PDE1C: variants seen among roughly 807,000 people sequenced by gnomAD.
The protein encoded by PDE1C is phosphodiesterase 1C, also known as dual specificity calcium/calmodulin-dependent 3',5'-cyclic nucleotide phosphodiesterase 1C.
Under a neutral mutation model 93.1 loss-of-function variants are expected in PDE1C, and 62 were observed. The observed-to-expected ratio is 0.67, with a 90% CI of 0.54 to 0.82. The LOEUF is 0.82. Among genes scored for constraint, PDE1C ranks in the 40% least tolerant of loss-of-function variants. The pLI, the probability that PDE1C is intolerant of heterozygous loss-of-function variation, is 0.00. For synonymous variants in PDE1C, 325 were observed against 310.1 expected (o/e 1.05, Z -0.50); for missense variants, 742 against 884.6 (o/e 0.84, Z 2.04).
intron 3 of PDE1C, among the ~76,000 whole-genome samples, chr7:32,117,429 A>G (rs1799044422): frequency 1.3e-5 from 2 of 152,240 alleles, no homozygotes; most frequent in African/African-American, 4.8e-5. Context: ...TATAGGTAAT[A>G]AAACTGAGCC....
intron 1 of PDE1C, among the ~76,000 whole-genome samples, chr7:32,352,015 T>C (rs1783960521): frequency 2.0e-4 from 1 of 5,092 alleles, no homozygotes; most frequent in African/African-American, 1.1e-3. Flanking sequence ...TAGTATAGTT[T>C]GAAGTCAGGT....
chr7:31,700,664 G>A, the PDE1C span, among the ~76,000 whole-genome samples: 532 of 152,256 alleles, frequency 3.5e-3, 9 homozygotes, highest in African/African-American at 0.012. Context: ...AGATGTCAAT[G>A]CCTGGCTTCA....
chr7:31,946,330 T>C (rs1806604695), intron 2 of PDE1C, among the ~76,000 whole-genome samples: 2 of 152,086 alleles, frequency 1.3e-5, no homozygotes, highest in African/African-American at 4.8e-5. Context: ...CAACAAGCTC[T>C]GTGCCAAAGG....
chr7:31,866,208 G>GA (rs950850881), intron 6 of PDE1C, among the ~76,000 whole-genome samples: 9 of 150,214 alleles, frequency 6.0e-5, no homozygotes, highest in Admixed American at 2.0e-4. Flanking sequence ...TTACATTTGT[G>GA]AAAAAAAAAT....
chr7:31,741,443 A>G, the PDE1C span, among the ~76,000 whole-genome samples: 2 of 152,090 alleles, frequency 1.3e-5, no homozygotes, highest in African/African-American at 2.4e-5. Flanking sequence ...AGTATTATCA[A>G]TTTTCTCATT....
At chr7:32,222,543 G>C (rs949281515) in intron 1 of PDE1C, among the ~76,000 whole-genome samples, 13 of 152,334 alleles carry the variant, frequency 8.5e-5, no homozygotes, top group Middle Eastern at 3.4e-3. Flanking sequence ...TTAAGGACTT[G>C]ATGTTAGCTT....
At chr7:31,923,430 G>A (rs879886035) in intron 2 of PDE1C, among the ~76,000 whole-genome samples, 1 of 152,170 alleles carries the variant, frequency 6.6e-6, no homozygotes, top group Non-Finnish European at 1.5e-5. Flanking sequence ...AGCTCCCCAG[G>A]TGAGTCTAAG....
chr7:31,808,144 C>A, intron 16 of PDE1C: 2 of 449,844 alleles, frequency 4.4e-6, no homozygotes, highest in Admixed American at 2.7e-5. Flanking sequence ...TTTATTCTTA[C>A]TCTTCCACCT....
At chr7:32,408,236 C>T (rs1785096690) in intron 1 of PDE1C, among the ~76,000 whole-genome samples, 1 of 152,186 alleles carries the variant, frequency 6.6e-6, no homozygotes, top group African/African-American at 2.4e-5. Flanking sequence ...TGCTCCATCC[C>T]TAAAGCTTCC....
intron 2 of PDE1C, among the ~76,000 whole-genome samples, chr7:32,034,092 G>A (rs374955410): frequency 1.8e-4 from 27 of 149,094 alleles, no homozygotes; most frequent in East Asian, 1.0e-3. Context: ...GTGTTTGCAC[G>A]CATAATGTAA....
At chr7:31,895,814 C>G (rs924443327) in intron 2 of PDE1C, among the ~76,000 whole-genome samples, 8 of 152,124 alleles carry the variant, frequency 5.3e-5, no homozygotes, top group Non-Finnish European at 1.2e-4. Flanking sequence ...TGCACATGCT[C>G]TCTTGCCTGC....
chr7:31,706,725 G>A, the PDE1C span, among the ~76,000 whole-genome samples: 1 of 152,170 alleles, frequency 6.6e-6, no homozygotes, highest in East Asian at 1.9e-4. Flanking sequence ...AGGAAAAGCC[G>A]ACATTTACTT....
At chr7:31,731,385 G>A in the PDE1C span, among the ~76,000 whole-genome samples, 1 of 149,848 alleles carries the variant, frequency 6.7e-6, no homozygotes, top group African/African-American at 2.4e-5. Context: ...TGAAAGGCAG[G>A]GAATTGGCAC....
chr7:31,772,742 T>C (rs1795580641), intron 17 of PDE1C, among the ~76,000 whole-genome samples: 1 of 152,236 alleles, frequency 6.6e-6, no homozygotes, highest in African/African-American at 2.4e-5. Context: ...GCACTGGATC[T>C]AATCATGTAG....
At chr7:32,413,662 T>C (rs1208735470) in intron 1 of PDE1C, among the ~76,000 whole-genome samples, 1 of 152,150 alleles carries the variant, frequency 6.6e-6, no homozygotes, top group Non-Finnish European at 1.5e-5. Context: ...GAGATGGTTG[T>C]ACAACAGTGT....
At chr7:31,966,234 C>T (rs1386631390) in intron 2 of PDE1C, among the ~76,000 whole-genome samples, 1 of 152,094 alleles carries the variant, frequency 6.6e-6, no homozygotes, top group East Asian at 1.9e-4. Context: ...CAGAGACACA[C>T]ATAGGCTCAA....
At chr7:31,697,076 G>T in the PDE1C span, 6 of 1,614,024 alleles carry the variant, frequency 3.7e-6, no homozygotes, top group Non-Finnish European at 4.2e-6. Flanking sequence ...AAGCCAAGGA[G>T]AAAAGACACA....
chr7:32,148,852 T>G (rs886727511), intron 3 of PDE1C, among the ~76,000 whole-genome samples: 2 of 152,174 alleles, frequency 1.3e-5, no homozygotes, highest in Admixed American at 6.5e-5. Context: ...ACTTTGCATA[T>G]ATGACAATAA....
rs913661502 is a variant in PDE1C, at chr7:31,944,066, C to T, written c.129-63206G>A. 3.3e-5 allele frequency among the ~76,000 whole-genome samples: 5 copies of T among 152,254 alleles called. No homozygotes were observed. In the East Asian group the frequency reaches 9.7e-4, roughly 29 times the overall value. Reference sequence around the variant, plus strand: ...CATTCTCAGTACAATTATCTGCCCTCCTGGCCCAAGACCAACAGCCTCCCC... The same window carrying T: ...CATTCTCAGTACAATTATCTGCCCTTCTGGCCCAAGACCAACAGCCTCCCC... On this transcript the variant is annotated intron_variant, in intron 2 of 17. Coordinates refer to ENST00000396191, the MANE Select transcript of PDE1C (RefSeq NM_001191057.4).
Sources: allele counts gnomAD v4.1 joint callset (sites outside exome capture counted in the v4.1 genomes callset), GRCh38; gene constraint gnomAD v4.1.1; transcripts MANE v1.5; gene names NCBI Gene and HGNC (gene_info 2026-07-23, HGNC 2026-07-21).